Variants in LANCL2 observed in about 807,000 individuals in gnomAD.
LANCL2 encodes LanC like glutathione S-transferase 2, also known as lanC-like protein 2.
In LANCL2, 33 loss-of-function variants were observed where a neutral mutation model predicts 56.9. The ratio of observed to expected loss-of-function variants is 0.58; its 90% confidence interval spans 0.44 to 0.78. LANCL2 has a LOEUF of 0.78. Ranked by LOEUF, LANCL2 falls within the 30% of genes least tolerant of loss-of-function variation. The pLI, the probability that LANCL2 is intolerant of heterozygous loss-of-function variation, is 0.00. For synonymous variants in LANCL2, 233 were observed against 228.2 expected (o/e 1.02, Z -0.19); for missense variants, 562 against 580.2 (o/e 0.97, Z 0.32).
At position 55,432,832 on chromosome 7, in the gene LANCL2, T is replaced by C. The variant is rs1044669815; in HGVS notation, c.*1512T>C. ...GCTCCTGAGTCATTATTTTCTTTCA[T>C]GTTAGATTGATGACTTCTGTGAATA... is the stretch of plus-strand genomic sequence containing the variant. On this transcript the variant is annotated 3_prime_UTR_variant, in exon 9 of 9. Transcript: ENST00000254770. 2.0e-5 allele frequency: 3 copies of C among 151,220 alleles called. No individual in the cohort carries two copies. Among genetic ancestry groups the C allele is most frequent in the African/African-American group, 7.4e-5 (3 of 40,486 alleles). The allele number at this position is 151,220 out of a possible 1,614,324, so 9.4% of individuals were successfully genotyped here.
intron 6 of LANCL2, among the ~76,000 whole-genome samples, chr7:55,420,093 A>G: frequency 6.8e-6 from 1 of 147,348 alleles, no homozygotes; most frequent in South Asian, 2.2e-4. Context: ...AAAAATAAAT[A>G]AAATTTCTTT....
intron 6 of LANCL2, among the ~76,000 whole-genome samples, chr7:55,415,422 C>T (rs1373916114): frequency 1.3e-5 from 2 of 152,128 alleles, no homozygotes; most frequent in Non-Finnish European, 2.9e-5. Context: ...TCAGAAAATG[C>T]TTTCATACAA....
rs114460936 is a variant in LANCL2 at position 55,425,512 on chromosome 7, C to T, written c.1185+82C>T. On this transcript the variant is annotated intron_variant, in intron 7 of 8. Coordinates refer to ENST00000254770, the MANE Select transcript of LANCL2 (RefSeq NM_018697.4). ...AGAGTCCAGAAGTACAACTCCTGTT[C>T]CTTCTTTTAACCTGTTTCTCCCAGT... The T allele has an allele frequency of 2.9e-4, 381 of 1,299,314 alleles. 1 individual carries two copies. The African/African-American group carries it at 4.8e-3, about 16-fold the overall frequency. The allele number at this position is 1,299,314 out of a possible 1,614,324, so 80.5% of individuals were successfully genotyped here. A position where few individuals can be genotyped will look rare whatever the true frequency, so the allele number is the denominator to read the frequency against.
rs1298384375 is a variant in LANCL2, at chr7:55,411,931, A to G, written c.850A>G (p.Thr284Ala). Residue 284 changes from threonine (T) to alanine (A), a missense_variant, in exon 6 of 9, where the codon ACC becomes GCC. Physicochemically the swap from Thr to Ala is moderately conservative, Grantham distance 58. This residue lies in a region of LANCL2 where 378 missense variants were observed against 468.4 expected (regional missense o/e 0.81). Coordinates refer to ENST00000254770, the MANE Select transcript of LANCL2 (RefSeq NM_018697.4). ...GCCGGCAGCAAAAGTGGACCAAGAA[A>G]CCTTGACAGAAATGGTGAAACCCAG... ...MQPAAKVDQE[T>A]LTEMVKPSID... is the part of the protein sequence containing the mutation. 1.9e-6 allele frequency: 3 copies of G among 1,612,774 alleles called. No homozygotes were observed. The highest frequency in any genetic ancestry group is 2.5e-6 in the Non-Finnish European group (3 of 1,179,392).
Position 55,401,307 on chromosome 7 carries a change from A to C in LANCL2, c.812A>C (p.Tyr271Ser). 1 of 1,613,904 alleles carries C rather than the reference A, an allele frequency of 6.2e-7. No individual in the cohort carries two copies. Among genetic ancestry groups the C allele is most frequent in the East Asian group, 2.2e-5 (1 of 44,884 alleles). Residue 271 changes from tyrosine (Y) to serine (S), a missense_variant, in exon 5 of 9, where the codon TAT (tyrosine) becomes TCT (serine). Coordinates refer to ENST00000254770, the MANE Select transcript of LANCL2 (RefSeq NM_018697.4). ...GAAHGMAGIY[Y>S]MLMQPAAKVD... Reference sequence around the variant, plus strand: ...GCCCATGGCATGGCTGGAATTTACTATATGTTAATGCAGGTAGGTAAGAAT... The same window carrying C: ...GCCCATGGCATGGCTGGAATTTACTCTATGTTAATGCAGGTAGGTAAGAAT...
At position 55,412,099 on chromosome 7, in the gene LANCL2, T is replaced by A. The variant is rs1263305355; in HGVS notation, c.1008+10T>A. ...CATGCAGGCGTACAAGGTCAGTGCT[T>A]CCGCCGTCACGGCCGTCCCCTGTGT... On this transcript the variant is annotated intron_variant, in intron 6 of 8. Transcript: ENST00000254770. 6.2e-7 allele frequency: 1 copy of A among 1,606,678 alleles called. No homozygotes were observed.
At chr7:55,389,536 G>C (rs887447844) in intron 1 of LANCL2, among the ~76,000 whole-genome samples, 1 of 152,234 alleles carries the variant, frequency 6.6e-6, no homozygotes, top group Non-Finnish European at 1.5e-5. Context: ...CTTAGGGCGA[G>C]CAGGTAAAGA....
chr7:55,384,246 TGAAAGATA>T (rs1430783262), intron 1 of LANCL2, among the ~76,000 whole-genome samples: 1 of 152,174 alleles, frequency 6.6e-6, no homozygotes, highest in Non-Finnish European at 1.5e-5. Context: ...GCACATTGAA[TGAAAGATA>T]GAAATTTATA....
chr7:55,366,008 C>G lies in LANCL2; in HGVS notation c.-18C>G, dbSNP rs1789857630. The G allele has an allele frequency of 2.1e-6, 3 of 1,423,554 alleles. No homozygotes were observed. In the East Asian group the frequency reaches 8.7e-5, roughly 41 times the overall value. The allele number at this position is 1,423,554 out of a possible 1,614,324, so 88.2% of individuals were successfully genotyped here. On this transcript the variant is annotated 5_prime_UTR_variant, in exon 1 of 9. Coordinates refer to ENST00000254770, the MANE Select transcript of LANCL2 (RefSeq NM_018697.4). ...GACAGGAGGTTTGTCCCCGCCCGCG[C>G]GCCGTACCGCGGCGGAGATGGGCGA...
intron 1 of LANCL2, among the ~76,000 whole-genome samples, chr7:55,388,831 A>G (rs6593246): frequency 0.9 from 136,692 of 152,144 alleles, 61,786 homozygotes; most frequent in African/African-American, 0.97. Flanking sequence ...CTCAGGCCTC[A>G]TTTACAGTGG....
intron 6 of LANCL2, among the ~76,000 whole-genome samples, chr7:55,423,444 A>G (rs1247781152): frequency 6.6e-6 from 1 of 152,364 alleles, no homozygotes; most frequent in Middle Eastern, 3.4e-3. Flanking sequence ...ATTTCAGAAC[A>G]CAGCCTCTCA....
At chr7:55,427,566 G>A (rs573113238) in intron 7 of LANCL2, among the ~76,000 whole-genome samples, 2 of 152,314 alleles carry the variant, frequency 1.3e-5, no homozygotes, top group South Asian at 4.1e-4. Context: ...TAAATGTGGA[G>A]AAGATGGAAA....
intron 5 of LANCL2, 57 bp downstream of exon 5, chr7:55,401,377 A>T: frequency 3.4e-6 from 5 of 1,482,640 alleles, no homozygotes; most frequent in Non-Finnish European, 4.7e-6. Context: ...GAAATGGGAA[A>T]TGAATCCTGC....
chr7:55,420,377 T>C (rs1318128663), intron 6 of LANCL2, among the ~76,000 whole-genome samples: 2 of 152,226 alleles, frequency 1.3e-5, no homozygotes, highest in East Asian at 3.8e-4. Context: ...GTGGATATTT[T>C]CATCGATTTC....
intron 1 of LANCL2, among the ~76,000 whole-genome samples, chr7:55,377,083 G>A (rs1790011996): frequency 6.6e-6 from 1 of 152,106 alleles, no homozygotes; most frequent in Non-Finnish European, 1.5e-5. Context: ...TTCAGTAACA[G>A]TTGTTAGAGT....
intron 1 of LANCL2, among the ~76,000 whole-genome samples, chr7:55,382,347 A>G (rs1790078661): frequency 6.6e-6 from 1 of 152,210 alleles, no homozygotes; most frequent in Non-Finnish European, 1.5e-5. Context: ...AATACAATAT[A>G]TGGCATTTAA....
In LANCL2 at chr7:55,432,554, G is replaced by C. The variant is rs1027753161; in HGVS notation, c.*1234G>C. ...GGTGGTCTGGGACTAGGTACTTCTC[G>C]TCTTGTGAGCTAAGGCTTGTGTCAT... On this transcript the variant is annotated 3_prime_UTR_variant, in exon 9 of 9. Coordinates refer to ENST00000254770, the MANE Select transcript of LANCL2 (RefSeq NM_018697.4). 6.6e-6 allele frequency: 1 copy of C among 152,118 alleles called. No individual in the cohort carries two copies. Among genetic ancestry groups the C allele is most frequent in the African/African-American group, 2.4e-5 (1 of 41,416 alleles). The allele number at this position is 152,118 out of a possible 1,614,324, so 9.4% of individuals were successfully genotyped here.
chr7:55,399,633 G>A (rs55870022), intron 3 of LANCL2, among the ~76,000 whole-genome samples: 7,753 of 152,196 alleles, frequency 0.051, 670 homozygotes, highest in African/African-American at 0.18. Flanking sequence ...GTGAGCCACC[G>A]TGCCCGGCCT....
At chr7:55,368,436 T>C (rs1583738037) in intron 1 of LANCL2, among the ~76,000 whole-genome samples, 2 of 152,206 alleles carry the variant, frequency 1.3e-5, no homozygotes, top group Non-Finnish European at 2.9e-5. Context: ...TTCTTGAATA[T>C]GAAAATGAGA....
Sources: gnomAD v4.1 joint callset for allele counts (sites outside exome capture counted in the v4.1 genomes callset) on GRCh38, gnomAD v4.1.1 for gene constraint, gnomAD v4.1.1 regional missense constraint, MANE v1.5 for transcripts, NCBI Gene and HGNC (gene_info 2026-07-23, HGNC 2026-07-21) for gene names.